CCDC90B: variants seen among roughly 807,000 people sequenced by gnomAD.
CCDC90B encodes the protein coiled-coil domain-containing protein 90B, mitochondrial.
Under a neutral mutation model 37.0 loss-of-function variants are expected in CCDC90B, and 24 were observed. That is an observed-to-expected ratio of 0.65 (90% CI 0.47 to 0.91). CCDC90B has a LOEUF of 0.91. Ranked by LOEUF, CCDC90B falls within the 40% of genes least tolerant of loss-of-function variation. The pLI, the probability that CCDC90B is intolerant of heterozygous loss-of-function variation, is 0.00. For synonymous variants in CCDC90B, 113 were observed against 101.1 expected, an observed-to-expected ratio of 1.12 and a Z score of -0.71; for missense variants, 319 against 299.0, an observed-to-expected ratio of 1.07 and a Z score of -0.49.
rs1865192536 is a variant in CCDC90B at position 83,278,696 on chromosome 11, TATCAGAAGTGATAGTA to T, written c.324+14_324+29del. The T allele has an allele frequency of 7.4e-7, 1 of 1,347,702 alleles. No homozygotes were observed. Among genetic ancestry groups the T allele is most frequent in the Non-Finnish European group, 1.1e-6 (1 of 943,716 alleles). 83.5% of individuals were successfully genotyped at this position (1,347,702 alleles called of 1,614,324 possible). ...TTATGAAATGATTGTCTAATGAAAG[TATCAGAAGTGATAGTA>T]ATCAGTGTATTACCTGTTGAGCTTG... On this transcript the variant is annotated intron_variant, in intron 3 of 8. Coordinates refer to ENST00000529689, the MANE Select transcript of CCDC90B (RefSeq NM_021825.5).
At chr11:83,269,028 G>A (rs1454169268) in intron 7 of CCDC90B, among the ~76,000 whole-genome samples, 1 of 152,140 alleles carries the variant, frequency 6.6e-6, no homozygotes, top group Admixed American at 6.5e-5. Flanking sequence ...GGTACATAAC[G>A]AAATGAAGGC....
chr11:83,281,401 G>C (rs1865373487), intron 1 of CCDC90B, among the ~76,000 whole-genome samples: 1 of 152,110 alleles, frequency 6.6e-6, no homozygotes, highest in Non-Finnish European at 1.5e-5. Context: ...TTATGGACTA[G>C]AAGGCAGGAA....
At chr11:83,270,619 C>T (rs1389036909) in intron 7 of CCDC90B, among the ~76,000 whole-genome samples, 2 of 152,148 alleles carry the variant, frequency 1.3e-5, no homozygotes, top group Admixed American at 6.5e-5. Context: ...TCAAGGACAA[C>T]TTCAAACCAC....
rs959737565 is a variant in CCDC90B at position 83,260,856 on chromosome 11, CTA to C, written c.*1053_*1054del. ...AAACAAAATACGAATTTAAATTTTC[CTA>C]TGAGTTTCTTGAGAGTAGGTACTAG... On this transcript the variant is annotated 3_prime_UTR_variant, in exon 9 of 9. Transcript: ENST00000529689. 2.0e-5 allele frequency: 3 copies of C among 152,024 alleles called. No homozygotes were observed. The highest frequency in any genetic ancestry group is 4.8e-5 in the African/African-American group (2 of 41,470). 9.4% of individuals were successfully genotyped at this position (152,024 alleles called of 1,614,324 possible).
intron 3 of CCDC90B, among the ~76,000 whole-genome samples, chr11:83,275,283 C>G (rs1864955942): frequency 6.6e-6 from 1 of 152,136 alleles, no homozygotes; most frequent in Non-Finnish European, 1.5e-5. Context: ...TAGCACTTAC[C>G]TGATAGATTT....
chr11:83,279,973 G>A (rs1865289061), intron 2 of CCDC90B, among the ~76,000 whole-genome samples, 168 bp downstream of exon 2: 2 of 151,528 alleles, frequency 1.3e-5, no homozygotes, highest in South Asian at 2.1e-4. Context: ...CCCCATATCA[G>A]TAAATATTTC....
intron 1 of CCDC90B, among the ~76,000 whole-genome samples, chr11:83,281,638 A>G (rs1289348918): frequency 1.3e-5 from 2 of 152,152 alleles, no homozygotes; most frequent in African/African-American, 2.4e-5. Flanking sequence ...TTGTGTGTAA[A>G]TATCAGACCT....
chr11:83,283,090 C>G (rs1399235810), intron 1 of CCDC90B, among the ~76,000 whole-genome samples: 2 of 152,194 alleles, frequency 1.3e-5, no homozygotes, highest in African/African-American at 4.8e-5. Context: ...AACCCCTGCA[C>G]TAAACTATAC....
chr11:83,276,236 T>A (rs970707657), intron 3 of CCDC90B, among the ~76,000 whole-genome samples: 2 of 152,302 alleles, frequency 1.3e-5, no homozygotes, highest in East Asian at 1.9e-4. Flanking sequence ...CAAATATCAC[T>A]ATAAAGGAAT....
chr11:83,285,474 G>A, intron 1 of CCDC90B: 1 of 1,114,200 alleles, frequency 9.0e-7, no homozygotes, highest in Non-Finnish European at 1.1e-6. Context: ...ACCTGGGCTC[G>A]AGGCCAGCAC....
At chr11:83,274,025 T>C (rs1864865723) in intron 4 of CCDC90B, 33 bp from the exon 5 acceptor site, 1 of 1,478,502 alleles carries the variant, frequency 6.8e-7, no homozygotes, top group South Asian at 1.5e-5. Context: ...GCAATTAGCA[T>C]TAAACCAAGT....
chr11:83,285,765 A>G (rs1286128418), intron 1 of CCDC90B, 108 bp downstream of exon 1: 4 of 1,477,606 alleles, frequency 2.7e-6, no homozygotes, highest in Non-Finnish European at 2.7e-6. Context: ...TGAATCCGGG[A>G]GGAGGGCGTG....
intron 8 of CCDC90B, among the ~76,000 whole-genome samples, chr11:83,265,265 T>A (rs956703769): frequency 6.6e-6 from 1 of 152,160 alleles, no homozygotes. Flanking sequence ...AATTTTGGGA[T>A]AGTGTCTATG....
At chr11:83,278,643 G>A in intron 3 of CCDC90B, 83 bp downstream of exon 3, 1 of 859,138 alleles carries the variant, frequency 1.2e-6, no homozygotes, top group Non-Finnish European at 1.9e-6. Flanking sequence ...AGCATGTTTG[G>A]AAGGTCAGTA....
In CCDC90B at chr11:83,285,891, A is replaced by G. The variant is rs749066304; in HGVS notation, c.82T>C (p.Ser28Pro). 70 of 1,612,986 alleles carry G rather than the reference A, an allele frequency of 4.3e-5. 1 individual carries two copies. The South Asian group carries it at 4.9e-4, about 11-fold the overall frequency. The part of the protein sequence containing the change: ...RWVSRPRGHF[S>P]PALRREFFTT... ...GCCTCACCTCTCCGCAGGGCCGGCG[A>G]GAAATGCCCGCGGGGCCTTGAAACC... The change falls in exon 1 of 9, where the codon TCG (serine) becomes CCG (proline). Residue 28 changes from serine (S) to proline (P), a missense_variant. Transcript: ENST00000529689.
intron 7 of CCDC90B, among the ~76,000 whole-genome samples, chr11:83,269,416 AC>A (rs1328648418): frequency 6.6e-6 from 1 of 152,142 alleles, no homozygotes; most frequent in Non-Finnish European, 1.5e-5. Context: ...CACTAGCCAG[AC>A]TAATAAAGAA....
rs552973142 is a variant in CCDC90B, at chr11:83,266,440, C to A, written c.595-461G>T. Among the ~76,000 whole-genome samples the A allele has an allele frequency of 3.9e-5, 6 of 152,360 alleles. No homozygotes were observed. In the East Asian group the frequency reaches 1.2e-3, roughly 29 times the overall value. On this transcript the variant is annotated intron_variant, in intron 7 of 8. Coordinates refer to ENST00000529689, the MANE Select transcript of CCDC90B (RefSeq NM_021825.5). ...TCCCAAGGTCTTAGCAACTGGCAGA[C>A]AAGGAGATTCTCTCCTGTGCCTGGC...
At chr11:83,281,932 AATCC>A (rs1381749566) in intron 1 of CCDC90B, among the ~76,000 whole-genome samples, 2 of 152,182 alleles carry the variant, frequency 1.3e-5, no homozygotes, top group Admixed American at 1.3e-4. Flanking sequence ...TGTCCCAATA[AATCC>A]ATCATAAATT....
chr11:83,273,606 C>A, intron 7 of CCDC90B, 41 bp downstream of exon 7: 1 of 1,463,604 alleles, frequency 6.8e-7, no homozygotes, highest in Non-Finnish European at 9.3e-7. Context: ...ATACAAGGCA[C>A]AAGAACTGTA....
Sources: allele counts gnomAD v4.1 joint callset (sites outside exome capture counted in the v4.1 genomes callset), GRCh38; gene constraint gnomAD v4.1.1; transcripts MANE v1.5; gene names NCBI Gene and HGNC (gene_info 2026-07-23, HGNC 2026-07-21).